Variants in DNMBP observed in about 807,000 individuals in gnomAD.
The protein encoded by DNMBP is dynamin binding protein, also known as dynamin-binding protein.
In DNMBP, 87 loss-of-function variants were observed where a neutral mutation model predicts 150.0. That is an observed-to-expected ratio of 0.58 (90% CI 0.49 to 0.69). The LOEUF (loss-of-function observed/expected upper bound fraction) is 0.69, where lower values mean the gene tolerates loss of function less well. DNMBP is among the 30% of genes least tolerant of loss of function. The pLI is 0.00. For missense variants in DNMBP, 1,774 were observed against 1,949.0 expected (o/e 0.91, Z 1.69); for synonymous variants, 711 against 750.4 (o/e 0.95, Z 0.86).
At chr10:99,889,759 A>G (rs1479996201) in intron 11 of DNMBP, among the ~76,000 whole-genome samples, 1 of 152,174 alleles carries the variant, frequency 6.6e-6, no homozygotes, top group East Asian at 1.9e-4. Flanking sequence ...AGAAAAGTCT[A>G]AGACTTTTAA....
chr10:99,997,433 C>T (rs1372812206), intron 1 of DNMBP, among the ~76,000 whole-genome samples: 2 of 152,092 alleles, frequency 1.3e-5, no homozygotes, highest in East Asian at 1.9e-4. Flanking sequence ...GACCTTGGGG[C>T]CAGACCAAAC....
At chr10:99,911,824 AATTC>A (rs2039903811) in intron 4 of DNMBP, among the ~76,000 whole-genome samples, 1 of 152,230 alleles carries the variant, frequency 6.6e-6, no homozygotes, top group Admixed American at 6.5e-5. Context: ...TATGATTCTA[AATTC>A]ATTGTGTTAC....
intron 14 of DNMBP, among the ~76,000 whole-genome samples, chr10:99,884,473 T>A (rs1161787525): frequency 6.6e-6 from 1 of 152,186 alleles, no homozygotes; most frequent in Non-Finnish European, 1.5e-5. Flanking sequence ...ACAAACGTGA[T>A]TAAAATGCCA....
chr10:99,900,370 C>T (rs947806094), intron 6 of DNMBP, among the ~76,000 whole-genome samples: 1 of 151,930 alleles, frequency 6.6e-6, no homozygotes, highest in African/African-American at 2.4e-5. Flanking sequence ...GACTCGACCT[C>T]CCAGACTCAG....
At chr10:99,973,818 T>C (rs12245474) in intron 1 of DNMBP, among the ~76,000 whole-genome samples, 7,832 of 152,186 alleles carry the variant, frequency 0.051, 224 homozygotes, top group African/African-American at 0.078. Context: ...CCGTCTCTAC[T>C]AAAAACACAA....
intron 13 of DNMBP, 64 bp from the exon 14 acceptor site, chr10:99,885,930 A>G (rs1241820610): frequency 3.5e-5 from 50 of 1,426,724 alleles, no homozygotes; most frequent in Non-Finnish European, 4.5e-5. Context: ...ATCCCAGAGA[A>G]AAGAAGAAAA....
intron 16 of DNMBP, 139 bp from the exon 17 acceptor site, chr10:99,877,475 A>T (rs1376600427): frequency 6.9e-6 from 4 of 579,096 alleles, no homozygotes; most frequent in Non-Finnish European, 1.2e-5. Context: ...AGTGAGACAG[A>T]GGAACTGAAT....
chr10:99,956,561 C>T lies in DNMBP; in HGVS notation c.913G>A (p.Val305Met). 6.2e-7 allele frequency: 1 copy of T among 1,614,182 alleles called. No individual in the cohort carries two copies. The highest frequency in any genetic ancestry group is 8.5e-7 in the Non-Finnish European group (1 of 1,180,028). ...RFVKLCPDTR[V>M]EETMALPQEG... ...TGGGGCAGAGCCATGGTTTCCTCCA[C>T]CCGTGTGTCAGGACATAATTTCACA... The change falls in exon 4 of 17, where the codon GTG becomes ATG. Residue 305 changes from valine (V) to methionine (M), a missense_variant. Val to Met is a conservative substitution (Grantham distance 21, BLOSUM62 1). Transcript: ENST00000324109.
At chr10:99,947,632 C>T (rs1411992779) in intron 4 of DNMBP, among the ~76,000 whole-genome samples, 1 of 152,128 alleles carries the variant, frequency 6.6e-6, no homozygotes, top group East Asian at 1.9e-4. Context: ...TGTTCTCTTA[C>T]ACAGGTGATG....
chr10:99,880,505 G>C, intron 15 of DNMBP, 144 bp from the exon 16 acceptor site: 1 of 1,148,834 alleles, frequency 8.7e-7, no homozygotes, highest in African/African-American at 1.6e-5. Context: ...CAGGCCAATA[G>C]TGAGAGACAC....
At chr10:100,000,035 A>AT (rs1411868283) in intron 1 of DNMBP, among the ~76,000 whole-genome samples, 4 of 152,186 alleles carry the variant, frequency 2.6e-5, no homozygotes, top group Admixed American at 1.3e-4. Flanking sequence ...CAGCTTTTTA[A>AT]TTTTTTAGCA....
At chr10:99,967,397 G>A (rs1313204329) in intron 3 of DNMBP, among the ~76,000 whole-genome samples, 2 of 152,036 alleles carry the variant, frequency 1.3e-5, no homozygotes, top group East Asian at 1.9e-4. Context: ...GTGGTGGCAG[G>A]TGCCTGTAGT....
chr10:99,966,544 G>A (rs964225656), intron 3 of DNMBP, among the ~76,000 whole-genome samples: 1 of 152,132 alleles, frequency 6.6e-6, no homozygotes, highest in African/African-American at 2.4e-5. Context: ...ACAGCTCAGC[G>A]GAAGCCACTG....
chr10:99,883,932 G>T, intron 15 of DNMBP, 79 bp downstream of exon 15: 3 of 1,378,982 alleles, frequency 2.2e-6, no homozygotes, highest in South Asian at 1.3e-5. Context: ...TTTTTTCCTG[G>T]CCTAGTCCAG....
rs143362307 is a variant in DNMBP at position 99,908,925 on chromosome 10, C to A, written c.2454+28G>T. 1.5e-5 allele frequency: 24 copies of A among 1,595,912 alleles called. No homozygotes were observed. The African/African-American group carries it at 2.4e-4, about 16-fold the overall frequency. On this transcript the variant is annotated intron_variant, in intron 5 of 16. Transcript: ENST00000324109. Reference sequence around the variant, plus strand: ...TGGCCTGGAGGACCATATTCAAGGTCAAACTAACTCTGTCTCCCAGTTCCC... The same window carrying A: ...TGGCCTGGAGGACCATATTCAAGGTAAAACTAACTCTGTCTCCCAGTTCCC...
chr10:99,924,304 G>A (rs1357799753), intron 4 of DNMBP, among the ~76,000 whole-genome samples: 27 of 149,112 alleles, frequency 1.8e-4, no homozygotes, highest in African/African-American at 5.4e-4. Flanking sequence ...TTAGCCAGGC[G>A]TGGTGGCGGG....
Position 99,880,038 on chromosome 10 carries a change from T to C in DNMBP, c.4321A>G (p.Thr1441Ala). ...PSRCPSDPDSTSQPRSGDSAD... is the reference protein window; with the variant it reads ...PSRCPSDPDSASQPRSGDSAD... Reference sequence around the variant, plus strand: ...GAGTCCCCTGACCTTGGCTGGGAGGTGGAGTCTGGGTCTGAAGGGCATCTG... The same window carrying C: ...GAGTCCCCTGACCTTGGCTGGGAGGCGGAGTCTGGGTCTGAAGGGCATCTG... The change falls in exon 16 of 17, where the codon ACC becomes GCC. Residue 1441 changes from threonine to alanine, a missense_variant. Physicochemically the swap from Thr to Ala is moderately conservative, Grantham distance 58. Coordinates refer to ENST00000324109, the MANE Select transcript of DNMBP (RefSeq NM_015221.4). The C allele has an allele frequency of 6.2e-7, 1 of 1,614,074 alleles. No individual in the cohort carries two copies. The highest frequency in any genetic ancestry group is 8.5e-7 in the Non-Finnish European group (1 of 1,180,012).
Position 99,955,721 on chromosome 10 carries a change from CAG to C in DNMBP, c.1751_1752del (p.Ser584Ter). 6.2e-7 allele frequency: 1 copy of C among 1,614,228 alleles called. No individual in the cohort carries two copies. Among genetic ancestry groups the C allele is most frequent in the African/African-American group, 1.3e-5 (1 of 75,064 alleles). ...GAGGAACCTCGGACAATATCCTTCT[CAG>C]AGTTAAAGTCCATGATTGAAAAGTG... is the stretch of plus-strand genomic sequence containing the variant. Reference protein sequence around the residue: ...LRHFSIMDFNSEKDIVRGSSK... With the variant: ...LRHFSIMDFNXEKDIVRGSSK... On this transcript the variant is annotated frameshift_variant, in exon 4 of 17. Transcript: ENST00000324109. LOFTEE classifies it high-confidence loss of function.
At chr10:99,937,422 T>C (rs1376844047) in intron 4 of DNMBP, among the ~76,000 whole-genome samples, 1 of 152,130 alleles carries the variant, frequency 6.6e-6, no homozygotes, top group Non-Finnish European at 1.5e-5. Context: ...TTACCACAGA[T>C]AAAGAAACAA....
Sources: gnomAD v4.1 joint callset for allele counts (sites outside exome capture counted in the v4.1 genomes callset) on GRCh38, gnomAD v4.1.1 for gene constraint, MANE v1.5 for transcripts, NCBI Gene and HGNC (gene_info 2026-07-23, HGNC 2026-07-21) for gene names.